The following CTNNA3 variants were observed in gnomAD, a reference collection of about 807,000 sequenced individuals.
The protein encoded by CTNNA3 is catenin alpha 3.
Under a neutral mutation model 95.7 loss-of-function variants are expected in CTNNA3, and 76 were observed. The ratio of observed to expected loss-of-function variants is 0.79; its 90% CI spans 0.66 to 0.96. CTNNA3 has a LOEUF of 0.96. Among genes scored for constraint, CTNNA3 ranks in the 40% least tolerant of loss-of-function variants. CTNNA3 has a pLI of 0.00. For missense variants in CTNNA3, 1,191 were observed against 1,089.8 expected (o/e 1.09, Z -1.31); for synonymous variants, 431 against 374.4 (o/e 1.15, Z -1.74).
At chr10:65,920,645 T>A in intron 17 of CTNNA3, 28 bp from the exon 18 acceptor site, 17 of 1,596,902 alleles carry the variant, frequency 1.1e-5, no homozygotes, top group Non-Finnish European at 1.5e-5. Context: ...AAAAAAGAGC[T>A]ATTATTCCAG....
chr10:67,605,530 C>T (rs530870166), intron 3 of CTNNA3, among the ~76,000 whole-genome samples: 1 of 151,780 alleles, frequency 6.6e-6, no homozygotes, highest in South Asian at 2.1e-4. Flanking sequence ...GCTACACACA[C>T]AAAAAAATGG....
chr10:67,066,195 C>CTTTTTTT lies in CTNNA3; in HGVS notation c.1047+114115_1047+114121dup, dbSNP rs71006118. 5.4e-4 allele frequency among the ~76,000 whole-genome samples: 66 copies of CTTTTTTT among 123,058 alleles called. 3 individuals are homozygous for CTTTTTTT. Among genetic ancestry groups the CTTTTTTT allele is most frequent in the African/African-American group, 1.9e-3 (59 of 30,912 alleles). The allele number at this position is 123,058 out of a possible 152,430, so 80.7% of individuals were successfully genotyped here. A position where few individuals can be genotyped will look rare whatever the true frequency, so the allele number is the denominator to read the frequency against. Reference sequence around the variant, plus strand: ...CTGCTGTGCCCACTGAAGTCACTGGCTTTTTTTTTTTTTTTTTGAGACAGT... The same window carrying CTTTTTTT: ...CTGCTGTGCCCACTGAAGTCACTGGCTTTTTTTTTTTTTTTTTTTTTTTTGAGACAGT... On this transcript the variant is annotated intron_variant, in intron 7 of 17. Transcript: ENST00000433211.
At chr10:67,285,354 G>A (rs540398168) in intron 5 of CTNNA3, among the ~76,000 whole-genome samples, 7 of 152,144 alleles carry the variant, frequency 4.6e-5, no homozygotes, top group South Asian at 2.1e-4. Context: ...GGAAATAGAC[G>A]GCTAGAGAAC....
intron 13 of CTNNA3, among the ~76,000 whole-genome samples, chr10:66,165,908 C>T (rs979076782): frequency 8.6e-5 from 13 of 151,840 alleles, no homozygotes; most frequent in Non-Finnish European, 1.6e-4. Context: ...GCTGGGATTA[C>T]AGGCACCTGC....
intron 17 of CTNNA3, among the ~76,000 whole-genome samples, chr10:65,941,385 TAC>T (rs2077427582): frequency 6.6e-6 from 1 of 152,180 alleles, no homozygotes. Flanking sequence ...CTTATTTTAC[TAC>T]TCACTGCTGT....
intron 5 of CTNNA3, among the ~76,000 whole-genome samples, chr10:67,395,961 T>C (rs1844691825): frequency 6.6e-6 from 1 of 152,192 alleles, no homozygotes; most frequent in African/African-American, 2.4e-5. Flanking sequence ...TCTATGTATA[T>C]TTTTTAGTAT....
chr10:67,393,401 G>T (rs771591238), intron 5 of CTNNA3, among the ~76,000 whole-genome samples: 1 of 152,136 alleles, frequency 6.6e-6, no homozygotes, highest in Non-Finnish European at 1.5e-5. Context: ...ACTCATTTAT[G>T]ATGTCAGCCA....
chr10:66,668,798 T>A (rs1407416451), intron 9 of CTNNA3, among the ~76,000 whole-genome samples: 1 of 151,654 alleles, frequency 6.6e-6, no homozygotes, highest in African/African-American at 2.4e-5. Flanking sequence ...GGCGACAGAG[T>A]CAGACCCTGT....
intron 12 of CTNNA3, among the ~76,000 whole-genome samples, chr10:66,354,961 C>T (rs191196832): frequency 6.6e-6 from 1 of 152,180 alleles, no homozygotes; most frequent in East Asian, 1.9e-4. Flanking sequence ...TCAGTCTTAA[C>T]TTGGAATTAC....
intron 13 of CTNNA3, among the ~76,000 whole-genome samples, chr10:66,241,438 T>C (rs1204860924): frequency 3.9e-5 from 6 of 152,208 alleles, no homozygotes; most frequent in African/African-American, 1.4e-4. Flanking sequence ...CAAAGTTAAG[T>C]AAATCTTACA....
At chr10:65,956,925 T>C (rs566664681) in intron 17 of CTNNA3, among the ~76,000 whole-genome samples, 2 of 152,210 alleles carry the variant, frequency 1.3e-5, no homozygotes, top group Non-Finnish European at 2.9e-5. Context: ...AGAGCTGAGT[T>C]CAAGTCCTGG....
intron 3 of CTNNA3, among the ~76,000 whole-genome samples, chr10:67,597,166 T>C (rs1253970430): frequency 6.6e-6 from 1 of 152,218 alleles, no homozygotes; most frequent in Non-Finnish European, 1.5e-5. Flanking sequence ...CTTGAATCAT[T>C]TGACTGGATT....
At chr10:66,949,526 C>A (rs1564788592) in intron 7 of CTNNA3, among the ~76,000 whole-genome samples, 3 of 151,190 alleles carry the variant, frequency 2.0e-5, no homozygotes, top group Non-Finnish European at 4.4e-5. Context: ...CCATTGGACT[C>A]CATCCTGGGC....
intron 1 of CTNNA3, among the ~76,000 whole-genome samples, chr10:67,670,713 G>A (rs967304677): frequency 3.3e-5 from 5 of 152,252 alleles, no homozygotes; most frequent in African/African-American, 7.2e-5. Flanking sequence ...TGGTGGACTA[G>A]TCTATGAAAA....
intron 1 of CTNNA3, among the ~76,000 whole-genome samples, chr10:67,711,252 A>G (rs1205914993): frequency 6.6e-6 from 1 of 152,228 alleles, no homozygotes; most frequent in Non-Finnish European, 1.5e-5. Flanking sequence ...TACTGAAAAG[A>G]TACCCAAAAA....
At position 66,537,125 on chromosome 10, in the gene CTNNA3, G is replaced by C. The variant is rs546785642; in HGVS notation, c.1375-16352C>G. Among the ~76,000 whole-genome samples the C allele has an allele frequency of 5.3e-5, 8 of 151,700 alleles. No individual in the cohort carries two copies. In the East Asian group the frequency reaches 1.4e-3, roughly 26 times the overall value. On this transcript the variant is annotated intron_variant, in intron 10 of 17. Transcript: ENST00000433211. ...AGTTGTATATGGCAGAATTTTTTCT[G>C]TCCTCTTTCCAAATAACTCGAGTGG...
chr10:66,118,098 T>TA (rs35397444), intron 13 of CTNNA3, among the ~76,000 whole-genome samples: 11,189 of 152,304 alleles, frequency 0.073, 515 homozygotes, highest in Admixed American at 0.12. Context: ...TACTTCCTCT[T>TA]ATATACGACT....
At chr10:66,066,640 T>G (rs930044719) in intron 15 of CTNNA3, among the ~76,000 whole-genome samples, 1 of 152,178 alleles carries the variant, frequency 6.6e-6, no homozygotes, top group African/African-American at 2.4e-5. Context: ...AGAGGTATTT[T>G]TATGAAATTC....
intron 10 of CTNNA3, among the ~76,000 whole-genome samples, chr10:66,523,529 T>C (rs763950292): frequency 6.6e-6 from 1 of 152,174 alleles, no homozygotes; most frequent in Non-Finnish European, 1.5e-5. Context: ...TAGCCATATA[T>C]CTAGAGAAAA....
Sources: gnomAD v4.1 joint callset for allele counts (sites outside exome capture counted in the v4.1 genomes callset) on GRCh38, gnomAD v4.1.1 for gene constraint, MANE v1.5 for transcripts, NCBI Gene and HGNC (gene_info 2026-07-23, HGNC 2026-07-21) for gene names.